Variants in LPP observed in about 807,000 individuals in gnomAD.
LPP encodes LIM domain containing preferred translocation partner in lipoma, also known as lipoma-preferred partner.
In LPP, 38 loss-of-function variants were observed where a neutral mutation model predicts 60.4. The ratio of observed to expected loss-of-function variants is 0.63; its 90% CI spans 0.49 to 0.83. The LOEUF is 0.83. Ranked by LOEUF, LPP falls within the 40% of genes least tolerant of loss-of-function variation. LPP has a pLI of 0.00. For missense variants in LPP, 902 were observed against 783.6 expected (o/e 1.15, Z -1.80); for synonymous variants, 328 against 290.8 (o/e 1.13, Z -1.30).
intron 3 of LPP, among the ~76,000 whole-genome samples, chr3:188,390,342 G>T (rs1425104997): frequency 4.8e-4 from 73 of 152,044 alleles, no homozygotes; most frequent in Admixed American, 4.8e-3. Context: ...TTCTTTTGCT[G>T]CCTGGGCTTT....
At chr3:188,379,819 T>C (rs920772541) in intron 3 of LPP, among the ~76,000 whole-genome samples, 2 of 152,210 alleles carry the variant, frequency 1.3e-5, no homozygotes, top group African/African-American at 4.8e-5. Context: ...AAATGATGCA[T>C]TAGGGAGAGC....
intron 7 of LPP, among the ~76,000 whole-genome samples, chr3:188,653,996 G>A (rs573652498): frequency 4.9e-4 from 74 of 152,278 alleles, no homozygotes; most frequent in Non-Finnish European, 6.6e-4. Context: ...TCCCTTGTCC[G>A]CTGTGACCTT....
intron 8 of LPP, among the ~76,000 whole-genome samples, chr3:188,734,079 A>G (rs1371600164): frequency 6.6e-6 from 1 of 151,824 alleles, no homozygotes; most frequent in Non-Finnish European, 1.5e-5. Flanking sequence ...CTTTAAGTTT[A>G]TTTAGTTATT....
At chr3:188,675,812 T>C (rs953239907) in intron 7 of LPP, among the ~76,000 whole-genome samples, 9 of 152,222 alleles carry the variant, frequency 5.9e-5, no homozygotes, top group African/African-American at 2.2e-4. Context: ...AAAAGGTATG[T>C]TCTTTTTCCT....
At chr3:188,347,307 A>G (rs1019475082) in intron 3 of LPP, among the ~76,000 whole-genome samples, 3 of 152,254 alleles carry the variant, frequency 2.0e-5, no homozygotes, top group Non-Finnish European at 4.4e-5. Context: ...GGACAAGATC[A>G]TACATTATGA....
rs1843099163 is a variant in LPP at position 188,609,127 on chromosome 3, T to A, written c.430-34T>A. The A allele has an allele frequency of 6.7e-7, 1 of 1,496,610 alleles. No homozygotes were observed. Among genetic ancestry groups the A allele is most frequent in the South Asian group, 1.3e-5 (1 of 79,066 alleles). The allele number at this position is 1,496,610 out of a possible 1,614,324, so 92.7% of individuals were successfully genotyped here. On this transcript the variant is annotated intron_variant, in intron 6 of 11. Transcript: ENST00000617246. The surrounding 1 kb of genome is among the most constrained non-coding windows in gnomAD (Gnocchi z 6.9). The stretch of plus-strand genomic sequence containing the variant: ...GAGTTTCGTTGGCAGTAATTTTTGC[T>A]TTCTTTCTTTCTTTTTTTTCCTATT...
chr3:188,375,119 T>C lies in LPP; in HGVS notation c.-9-30993T>C, dbSNP rs1774593325. Among the ~76,000 whole-genome samples, 3 of 152,182 alleles carry C rather than the reference T, an allele frequency of 2.0e-5. No homozygotes were observed. In the South Asian group the frequency reaches 6.2e-4, roughly 32 times the overall value. ...CTGGATTCGGTTTGCCAGTATTTTA[T>C]TGAGGATTTTTGCATCAATGTTCAT... On this transcript the variant is annotated intron_variant, in intron 3 of 11. Transcript: ENST00000617246.
At chr3:188,362,137 G>C (rs542856702) in intron 3 of LPP, among the ~76,000 whole-genome samples, 8 of 152,266 alleles carry the variant, frequency 5.3e-5, no homozygotes, top group East Asian at 1.9e-4. Flanking sequence ...CCTGAAGGAG[G>C]GGGTATTTGA....
At chr3:188,821,626 A>G (rs1753989078) in intron 9 of LPP, among the ~76,000 whole-genome samples, 1 of 152,090 alleles carries the variant, frequency 6.6e-6, no homozygotes, top group South Asian at 2.1e-4. Context: ...TAGTGAATGT[A>G]TTCATTTATA....
At chr3:188,635,724 C>A (rs909148391) in intron 7 of LPP, among the ~76,000 whole-genome samples, 2 of 152,152 alleles carry the variant, frequency 1.3e-5, no homozygotes, top group Admixed American at 1.3e-4. Flanking sequence ...ATGATATGTT[C>A]TTTAGTCGAG....
At chr3:188,760,026 G>A (rs866768656) in intron 8 of LPP, 87 bp from the exon 9 acceptor site, 35 of 1,177,590 alleles carry the variant, frequency 3.0e-5, no homozygotes, top group South Asian at 1.1e-4. Context: ...TGCTGCTGAC[G>A]TTATGAACCT....
At chr3:188,448,196 A>T (rs1795727033) in intron 4 of LPP, among the ~76,000 whole-genome samples, 1 of 152,170 alleles carries the variant, frequency 6.6e-6, no homozygotes, top group African/African-American at 2.4e-5. Context: ...TTGTTGGCAG[A>T]CGTCTTGGGT....
intron 9 of LPP, among the ~76,000 whole-genome samples, chr3:188,766,392 TA>T (rs1734166414): frequency 1.1e-5 from 1 of 93,466 alleles, no homozygotes; most frequent in Non-Finnish European, 2.5e-5. Flanking sequence ...AAAAAAAGGT[TA>T]AAAATATTTA....
chr3:188,750,227 T>A (rs554973435), intron 8 of LPP, among the ~76,000 whole-genome samples: 1 of 152,302 alleles, frequency 6.6e-6, no homozygotes, highest in South Asian at 2.1e-4. Flanking sequence ...AAAATCACAA[T>A]ATCTACTGCT....
chr3:188,562,631 G>A (rs1831008351), intron 6 of LPP, among the ~76,000 whole-genome samples: 1 of 151,984 alleles, frequency 6.6e-6, no homozygotes, highest in African/African-American at 2.4e-5. Context: ...TCCTTGAAAT[G>A]TAACGTGCGG....
chr3:188,354,874 C>T (rs1421720954), intron 3 of LPP, among the ~76,000 whole-genome samples: 1 of 151,508 alleles, frequency 6.6e-6, no homozygotes, highest in Non-Finnish European at 1.5e-5. Flanking sequence ...GAAATAAAAG[C>T]ATCACTTTGT....
chr3:188,160,394 A>G (rs960029576), intron 1 of LPP, among the ~76,000 whole-genome samples: 20 of 151,824 alleles, frequency 1.3e-4, no homozygotes, highest in African/African-American at 4.4e-4. Context: ...GGGTTTCACC[A>G]TGTTGGCCAG....
At chr3:188,864,978 G>A (rs988305357) in intron 9 of LPP, among the ~76,000 whole-genome samples, 2 of 152,178 alleles carry the variant, frequency 1.3e-5, no homozygotes, top group Non-Finnish European at 2.9e-5. Flanking sequence ...AGTTACCTAC[G>A]TACAGACACT....
chr3:188,306,793 C>G (rs971948365), intron 2 of LPP, among the ~76,000 whole-genome samples: 3 of 152,130 alleles, frequency 2.0e-5, no homozygotes, highest in African/African-American at 2.4e-5. Flanking sequence ...TTTATGTAAA[C>G]TCTTTGGTTT....
Sources: gnomAD v4.1 joint callset for allele counts (sites outside exome capture counted in the v4.1 genomes callset) on GRCh38, gnomAD v4.1.1 for gene constraint, Gnocchi (gnomAD v3.1) non-coding constraint, MANE v1.5 for transcripts, NCBI Gene and HGNC (gene_info 2026-07-23, HGNC 2026-07-21) for gene names.